Variants in PAM observed in about 807,000 individuals in gnomAD.
PAM encodes the protein peptidylglycine alpha-amidating monooxygenase.
PAM carries 72 observed loss-of-function variants against 122.1 expected under a neutral mutation model. The observed-to-expected ratio is 0.59, with a 90% CI of 0.49 to 0.72. The LOEUF (loss-of-function observed/expected upper bound fraction) is 0.72. PAM is among the 30% of genes least tolerant of loss of function. The pLI is 0.00. For synonymous variants in PAM, 389 were observed against 404.4 expected (o/e 0.96, Z 0.46); for missense variants, 1,106 against 1,183.7 (o/e 0.93, Z 0.96).
At chr5:102,856,379 A>C (rs1782628451) in intron 1 of PAM, among the ~76,000 whole-genome samples, 1 of 152,218 alleles carries the variant, frequency 6.6e-6, no homozygotes, top group South Asian at 2.1e-4. Flanking sequence ...GAAGTGGTCC[A>C]CTTCTCTGGC....
intron 14 of PAM, among the ~76,000 whole-genome samples, chr5:102,965,889 G>T (rs1054770340): frequency 6.6e-6 from 1 of 152,114 alleles, no homozygotes; most frequent in Non-Finnish European, 1.5e-5. Flanking sequence ...AGGGAACAAG[G>T]TTGCCAGTTA....
At chr5:102,889,976 T>C (rs112864333) in intron 3 of PAM, among the ~76,000 whole-genome samples, 2,397 of 152,088 alleles carry the variant, frequency 0.016, 56 homozygotes, top group African/African-American at 0.053. Flanking sequence ...TTTATATCTA[T>C]TTTTATGCCC....
At position 102,991,657 on chromosome 5, in the gene PAM, G is replaced by A. The variant is rs142543164; in HGVS notation, c.1613+1256G>A. On this transcript the variant is annotated intron_variant, in intron 16 of 25. Transcript: ENST00000438793. ...AGAATACATTGGTAGCATTGTTACTGTTTAATTGTCCTTTCCAGTTGTCAT... is the reference window on the plus strand; with the variant it reads ...AGAATACATTGGTAGCATTGTTACTATTTAATTGTCCTTTCCAGTTGTCAT... Among the ~76,000 whole-genome samples, 186 of 152,176 alleles carry A rather than the reference G, an allele frequency of 1.2e-3. No individual in the cohort carries two copies. The Middle Eastern group carries it at 0.014, about 11-fold the overall frequency.
intron 3 of PAM, among the ~76,000 whole-genome samples, chr5:102,871,168 C>T (rs1787296632): frequency 1.3e-5 from 2 of 152,192 alleles, no homozygotes; most frequent in African/African-American, 4.8e-5. Context: ...TGTTTCTTAA[C>T]TGGCTAGTCC....
Position 102,783,816 on chromosome 5 carries a change from G to A in PAM, c.-374+28468G>A, listed in dbSNP as rs1759706603. On this transcript the variant is annotated intron_variant, in intron 1 of 25. Coordinates refer to ENST00000438793, the MANE Select transcript of PAM (RefSeq NM_001177306.2). The stretch of plus-strand genomic sequence containing the variant: ...GGAGCATACCAGCTGGAGGGTGACA[G>A]CCTCAGGAAGACCTAATTGTAGAAC... 2.0e-5 allele frequency among the ~76,000 whole-genome samples: 3 copies of A among 152,148 alleles called. No individual in the cohort carries two copies. The South Asian group carries it at 6.2e-4, about 32-fold the overall frequency.
chr5:102,777,408 A>G (rs772938010), intron 1 of PAM, among the ~76,000 whole-genome samples: 23 of 152,046 alleles, frequency 1.5e-4, no homozygotes, highest in South Asian at 4.1e-4. Context: ...ATCTGTTCCC[A>G]CTAGAATTGA....
chr5:102,789,891 A>G (rs1399075534), intron 1 of PAM, among the ~76,000 whole-genome samples: 3 of 152,124 alleles, frequency 2.0e-5, no homozygotes, highest in African/African-American at 7.2e-5. Flanking sequence ...AGAAACTAAC[A>G]AGACAAATGT....
At chr5:102,818,439 A>T (rs1381771440) in intron 1 of PAM, among the ~76,000 whole-genome samples, 1 of 152,138 alleles carries the variant, frequency 6.6e-6, no homozygotes, top group Non-Finnish European at 1.5e-5. Flanking sequence ...CATACCAGTT[A>T]TGTAACTGTC....
chr5:102,793,584 A>T (rs1023448666), intron 1 of PAM, among the ~76,000 whole-genome samples: 8 of 152,202 alleles, frequency 5.3e-5, no homozygotes, highest in African/African-American at 1.9e-4. Flanking sequence ...AAATTTTGGA[A>T]CTATTAGAAT....
chr5:102,952,484 A>C (rs1192780711), intron 12 of PAM, among the ~76,000 whole-genome samples: 1 of 152,182 alleles, frequency 6.6e-6, no homozygotes, highest in Non-Finnish European at 1.5e-5. Flanking sequence ...ATTTTGTAAT[A>C]AAAATGAAAT....
At chr5:102,883,829 G>A (rs1792099426) in intron 3 of PAM, among the ~76,000 whole-genome samples, 1 of 151,842 alleles carries the variant, frequency 6.6e-6, no homozygotes, top group African/African-American at 2.4e-5. Context: ...TCCCCATTCA[G>A]TATAATGTTG....
At chr5:102,827,673 T>A (rs1437845490) in intron 1 of PAM, among the ~76,000 whole-genome samples, 121 of 12,982 alleles carry the variant, frequency 9.3e-3, no homozygotes, top group Middle Eastern at 0.062. Context: ...TGATTTTTTT[T>A]TTTTTTTTTT....
At position 103,017,353 on chromosome 5, in the gene PAM, A is replaced by G; in HGVS notation, c.2351A>G (p.Asp784Gly). The G allele has an allele frequency of 6.2e-7, 1 of 1,610,326 alleles. No individual in the cohort carries two copies. The highest frequency in any genetic ancestry group is 8.5e-7 in the Non-Finnish European group (1 of 1,176,768). The change falls in exon 22 of 26, where the codon GAT becomes GGT. Residue 784 changes from aspartate to glycine, a missense_variant. Around this residue, in one of 3 missense-constraint regions of PAM, gnomAD observed 333 missense variants for 335.6 expected, o/e 0.99. Coordinates refer to ENST00000438793, the MANE Select transcript of PAM (RefSeq NM_001177306.2). ...TGGCAGCACTTTGATATGCCTCATG[A>G]TATTGTTGCATCTGAAGATGGGACT... ...PVRKHFDMPH[D>G]IVASEDGTVY...
chr5:103,014,320 T>C (rs1179224101), intron 21 of PAM, among the ~76,000 whole-genome samples: 1 of 152,212 alleles, frequency 6.6e-6, no homozygotes, highest in East Asian at 1.9e-4. Context: ...TGTGCTTTCA[T>C]CAGATGTTAG....
intron 15 of PAM, among the ~76,000 whole-genome samples, chr5:102,977,658 GCACACACACACACACACA>G (rs10527378): frequency 9.8e-5 from 14 of 143,048 alleles, no homozygotes; most frequent in Middle Eastern, 3.5e-3. Flanking sequence ...ATGCATGTGC[GCACACACACACACACACA>G]CACACACACA....
chr5:102,780,763 CTTTCTT>C (rs1171293274), intron 1 of PAM, among the ~76,000 whole-genome samples: 1 of 53,528 alleles, frequency 1.9e-5, no homozygotes, highest in South Asian at 5.5e-4. Flanking sequence ...CTCTTTCTTT[CTTTCTT>C]TCTTTCTTTC....
chr5:102,933,877 T>C (rs1752385220), intron 7 of PAM, among the ~76,000 whole-genome samples: 1 of 152,204 alleles, frequency 6.6e-6, no homozygotes, highest in Non-Finnish European at 1.5e-5. Context: ...CTGACTTCAG[T>C]GTAAGCATCT....
At chr5:102,983,051 A>C (rs1770446916) in intron 15 of PAM, among the ~76,000 whole-genome samples, 1 of 152,150 alleles carries the variant, frequency 6.6e-6, no homozygotes, top group Non-Finnish European at 1.5e-5. Flanking sequence ...CCTGGAACTG[A>C]AGAATTTAAT....
intron 1 of PAM, among the ~76,000 whole-genome samples, chr5:102,788,432 CTATT>C (rs1761157102): frequency 6.6e-6 from 1 of 151,876 alleles, no homozygotes; most frequent in African/African-American, 2.4e-5. Context: ...CATAATAACT[CTATT>C]TATTTTTGAT....
Sources: allele counts gnomAD v4.1 joint callset (sites outside exome capture counted in the v4.1 genomes callset), GRCh38; gene constraint gnomAD v4.1.1; regional missense constraint gnomAD v4.1.1; transcripts MANE v1.5; gene names NCBI Gene and HGNC (gene_info 2026-07-23, HGNC 2026-07-21).